XYLT1: variants seen among roughly 807,000 people sequenced by gnomAD.
XYLT1 encodes the protein beta-D-xylosyltransferase 1.
In XYLT1, 36 loss-of-function variants were observed where a neutral mutation model predicts 91.3. That is an observed-to-expected ratio of 0.39 (90% CI 0.30 to 0.52). XYLT1 has a LOEUF of 0.52. Ranked by LOEUF, XYLT1 falls within the 20% of genes least tolerant of loss-of-function variation. XYLT1 has a pLI of 0.68. For missense variants in XYLT1, 1,242 were observed against 1,284.5 expected (o/e 0.97, Z 0.51); for synonymous variants, 588 against 532.0 (o/e 1.11, Z -1.45).
At chr16:17,422,450 T>C (rs771599810) in intron 1 of XYLT1, among the ~76,000 whole-genome samples, 5 of 152,154 alleles carry the variant, frequency 3.3e-5, no homozygotes, top group Admixed American at 6.5e-5. Context: ...CCTCCCACTT[T>C]GGTCTCTCAA....
chr16:17,397,806 C>T (rs1221377302), intron 1 of XYLT1, among the ~76,000 whole-genome samples: 1 of 150,828 alleles, frequency 6.6e-6, no homozygotes, highest in Non-Finnish European at 1.5e-5. Flanking sequence ...TTTACTAGGG[C>T]ACTCCATAGT....
rs886728186 is a variant in XYLT1, at chr16:17,252,520, G to A, written c.913+6468C>T. Among the ~76,000 whole-genome samples the A allele has an allele frequency of 5.3e-5, 8 of 152,160 alleles. No individual in the cohort carries two copies. The East Asian group carries it at 7.7e-4, about 15-fold the overall frequency. On this transcript the variant is annotated intron_variant, in intron 3 of 11. Coordinates refer to ENST00000261381, the MANE Select transcript of XYLT1 (RefSeq NM_022166.4). ...CACCTCACTGCATCTCCCTCTGCAC[G>A]GTTGCCAGTGGACAGCCAGAGGAAT...
intron 1 of XYLT1, among the ~76,000 whole-genome samples, chr16:17,422,843 G>A (rs1042692830): frequency 6.6e-6 from 1 of 152,116 alleles, no homozygotes; most frequent in African/African-American, 2.4e-5. Context: ...TGAAACACAA[G>A]TTAGATCTTC....
chr16:17,379,972 T>C (rs989910099), intron 1 of XYLT1, among the ~76,000 whole-genome samples: 1 of 152,182 alleles, frequency 6.6e-6, no homozygotes, highest in Non-Finnish European at 1.5e-5. Flanking sequence ...CATTTTCCTT[T>C]GTGTCTGGCA....
At chr16:17,348,548 G>T (rs2035177398) in intron 2 of XYLT1, among the ~76,000 whole-genome samples, 1 of 152,164 alleles carries the variant, frequency 6.6e-6, no homozygotes, top group African/African-American at 2.4e-5. Flanking sequence ...CAAAGGAAGG[G>T]TGTGAGAGCA....
rs181671654 is a variant in XYLT1 at position 17,102,358 on chromosome 16, T to A, written c.*6337A>T. ...GGCAGTGTTTTTTTAATTTTAAAAT[T>A]CTGCATCTGAAAACACAGTATGACA... On this transcript the variant is annotated 3_prime_UTR_variant, in exon 12 of 12. Coordinates refer to ENST00000261381, the MANE Select transcript of XYLT1 (RefSeq NM_022166.4). The A allele has an allele frequency of 6.5e-5, 10 of 152,774 alleles. No homozygotes were observed. The highest frequency in any genetic ancestry group is 2.4e-4 in the African/African-American group (10 of 41,574). The allele number at this position is 152,774 out of a possible 1,614,324, so 9.5% of individuals were successfully genotyped here.
At chr16:17,141,391 T>C (rs768076880) in intron 6 of XYLT1, 22 bp from the exon 7 acceptor site, 6 of 1,611,262 alleles carry the variant, frequency 3.7e-6, no homozygotes, top group Non-Finnish European at 5.1e-6. Context: ...AAAGCTGCCC[T>C]TAGCCCAGAG....
rs779127309 is a variant in XYLT1, at chr16:17,108,183, T to G, written c.*512A>C. The G allele has an allele frequency of 6.5e-6, 1 of 153,052 alleles. No individual in the cohort carries two copies. Among genetic ancestry groups the G allele is most frequent in the African/African-American group, 2.4e-5 (1 of 41,462 alleles). 9.5% of individuals were successfully genotyped at this position (153,052 alleles called of 1,614,324 possible). A position where few individuals can be genotyped will look rare whatever the true frequency, so the allele number is the denominator to read the frequency against. ...GGGCAGTGCTTGTCAAACTGGCATT[T>G]GCAGAGCCCTTGGGTTCTGAAGAGG... On this transcript the variant is annotated 3_prime_UTR_variant, in exon 12 of 12. Coordinates refer to ENST00000261381, the MANE Select transcript of XYLT1 (RefSeq NM_022166.4).
At chr16:17,141,980 C>T (rs971123853) in intron 6 of XYLT1, among the ~76,000 whole-genome samples, 5 of 152,208 alleles carry the variant, frequency 3.3e-5, no homozygotes, top group South Asian at 2.1e-4. Flanking sequence ...CCTAGCTCCC[C>T]GCAGCCTCAA....
intron 10 of XYLT1, among the ~76,000 whole-genome samples, chr16:17,122,350 A>G (rs1355009568): frequency 3.3e-5 from 5 of 152,178 alleles, no homozygotes; most frequent in Non-Finnish European, 5.9e-5. Context: ...ATCGTTAGTG[A>G]TGTTGAGCAT....
intron 2 of XYLT1, among the ~76,000 whole-genome samples, chr16:17,268,964 C>T (rs528298435): frequency 4.6e-4 from 70 of 152,166 alleles, no homozygotes; most frequent in African/African-American, 1.5e-3. Flanking sequence ...TGAGCCACTG[C>T]GCCCAGCCGA....
At chr16:17,212,699 G>T (rs1027130920) in intron 3 of XYLT1, among the ~76,000 whole-genome samples, 1 of 152,034 alleles carries the variant, frequency 6.6e-6, no homozygotes, top group Non-Finnish European at 1.5e-5. Context: ...AGTTATTAAA[G>T]AACAGCCCAT....
At chr16:17,327,190 C>G (rs772186569) in intron 2 of XYLT1, among the ~76,000 whole-genome samples, 1 of 152,110 alleles carries the variant, frequency 6.6e-6, no homozygotes, top group South Asian at 2.1e-4. Flanking sequence ...TACATTCAAC[C>G]TTTATATTCC....
At chr16:17,362,126 G>A (rs1054670156) in intron 1 of XYLT1, among the ~76,000 whole-genome samples, 8 of 152,116 alleles carry the variant, frequency 5.3e-5, no homozygotes, top group African/African-American at 1.9e-4. Flanking sequence ...CAAGAGCTCT[G>A]CTGGAAAATA....
chr16:17,256,754 T>C (rs1399263296), intron 3 of XYLT1, among the ~76,000 whole-genome samples: 1 of 152,198 alleles, frequency 6.6e-6, no homozygotes. Flanking sequence ...CCTTTCTTCA[T>C]CAAGAGAGTT....
chr16:17,418,874 C>T (rs1342891963), intron 1 of XYLT1, among the ~76,000 whole-genome samples: 1 of 151,518 alleles, frequency 6.6e-6, no homozygotes, highest in African/African-American at 2.4e-5. Context: ...AATAAAAAGG[C>T]TGTTCTTATG....
At chr16:17,311,988 A>C (rs544689289) in intron 2 of XYLT1, among the ~76,000 whole-genome samples, 1 of 152,218 alleles carries the variant, frequency 6.6e-6, no homozygotes, top group Admixed American at 6.5e-5. Flanking sequence ...GAGGGAGGGA[A>C]TTATAGGAGC....
intron 2 of XYLT1, among the ~76,000 whole-genome samples, chr16:17,271,151 T>TTTCG (rs1555492902): frequency 6.6e-6 from 1 of 151,362 alleles, no homozygotes; most frequent in African/African-American, 2.4e-5. Flanking sequence ...CCTAACTGTT[T>TTTCG]TTTGTTTGTT....
chr16:17,135,549 T>G (rs2030683630), intron 8 of XYLT1, among the ~76,000 whole-genome samples: 1 of 142,430 alleles, frequency 7.0e-6, no homozygotes, highest in South Asian at 2.2e-4. Flanking sequence ...AGTCAATAGC[T>G]CTGGAGTGTA....
Sources: gnomAD v4.1 joint callset for allele counts (sites outside exome capture counted in the v4.1 genomes callset) on GRCh38, gnomAD v4.1.1 for gene constraint, MANE v1.5 for transcripts, NCBI Gene and HGNC (gene_info 2026-07-23, HGNC 2026-07-21) for gene names.